Variants in GANAB observed in about 807,000 individuals in gnomAD.
The protein encoded by GANAB is neutral alpha-glucosidase AB.
In GANAB, 35 loss-of-function variants were observed where a neutral mutation model predicts 129.9. That is an observed-to-expected ratio of 0.27 (90% CI 0.21 to 0.36). The LOEUF is 0.36. Among genes scored for constraint, GANAB ranks in the 10% least tolerant of loss-of-function variants. The pLI, the probability that GANAB is intolerant of heterozygous loss-of-function variation, is 1.00. For missense variants in GANAB, 939 were observed against 1,221.0 expected, an observed-to-expected ratio of 0.77 and a Z score of 3.44; for synonymous variants, 482 against 451.8, an observed-to-expected ratio of 1.07 and a Z score of -0.85.
Position 62,625,938 on chromosome 11 carries a change from A to T in GANAB, c.2726-14T>A, listed in dbSNP as rs780455543. 1.3e-6 allele frequency: 2 copies of T among 1,572,130 alleles called. No individual in the cohort carries two copies. Among genetic ancestry groups the T allele is most frequent in the Non-Finnish European group, 1.8e-6 (2 of 1,141,660 alleles). The stretch of plus-strand genomic sequence containing the variant: ...TTTCTGGAGATCCTGGAGGAGGAAT[A>T]AAAGAGTGCCATAGTCATACCAATG... On this transcript the variant is annotated splice_polypyrimidine_tract_variant and intron_variant, in intron 23 of 23. Coordinates refer to ENST00000356638, the MANE Select transcript of GANAB (RefSeq NM_198334.3).
At chr11:62,629,470 TGA>T (rs1370496118) in intron 15 of GANAB, 116 bp downstream of exon 15, 3 of 823,976 alleles carry the variant, frequency 3.6e-6, no homozygotes, top group Non-Finnish European at 6.0e-6. Flanking sequence ...AGCGCATAGC[TGA>T]GAGGAAACAG....
In GANAB at chr11:62,628,972, C is replaced by G; in HGVS notation, c.1977G>C (p.Leu659=). Residue 659 remains leucine, a synonymous_variant, in exon 17 of 24, where the codon CTG becomes CTC. Transcript: ENST00000356638. Reference sequence around the variant, plus strand: ...CACCCATCTGGTACCAGCGCACAAGCAGCTCTGGCTCTGGGTTTTTGAAGA... The same window carrying G: ...CACCCATCTGGTACCAGCGCACAAGGAGCTCTGGCTCTGGGTTTTTGAAGA... The part of the protein sequence containing the change: ...GGFFKNPEPE[L]LVRWYQMGAY... 1 of 1,613,920 alleles carries G rather than the reference C, an allele frequency of 6.2e-7. No individual in the cohort carries two copies. Among genetic ancestry groups the G allele is most frequent in the Non-Finnish European group, 8.5e-7 (1 of 1,179,808 alleles).
At position 62,626,782 on chromosome 11, in the gene GANAB, G is replaced by T. The variant is rs1943403018; in HGVS notation, c.2397+78C>A. 3.0e-6 allele frequency: 4 copies of T among 1,325,816 alleles called. No individual in the cohort carries two copies. In the East Asian group the frequency reaches 7.1e-5, roughly 24 times the overall value. 82.1% of individuals were successfully genotyped at this position (1,325,816 alleles called of 1,614,324 possible). On this transcript the variant is annotated intron_variant, in intron 20 of 23. Transcript: ENST00000356638. ...CTCATGTATGCCCACATAGGTACTG[G>T]ACCCTAAGGCACACATTCCCTCCCC...
chr11:62,633,751 G>C (rs1020624556), intron 5 of GANAB: 41 of 579,408 alleles, frequency 7.1e-5, no homozygotes, highest in Non-Finnish European at 1.1e-4. Context: ...GCACAGGCCT[G>C]AACACCAGCC....
intron 2 of GANAB, 54 bp downstream of exon 2, chr11:62,639,573 C>T: frequency 6.8e-7 from 1 of 1,461,496 alleles, no homozygotes; most frequent in Non-Finnish European, 9.6e-7. Flanking sequence ...ACAGATATCT[C>T]CCACATTACC....
Position 62,626,403 on chromosome 11 carries a change from G to T in GANAB, c.2556C>A (p.Phe852Leu). 6.2e-7 allele frequency: 1 copy of T among 1,613,648 alleles called. No individual in the cohort carries two copies. The highest frequency in any genetic ancestry group is 8.5e-7 in the Non-Finnish European group (1 of 1,179,566). The part of the protein sequence containing the change: ...GELFLDDGHT[F>L]NYQTRQEFLL... ...GGAACTCTTGGCGAGTCTGATAGTT[G>T]AACGTGTGCCCATCATCCAGAAAGA... The change falls in exon 22 of 24, where the codon TTC (phenylalanine) becomes TTA (leucine). Residue 852 changes from phenylalanine (F) to leucine (L), a missense_variant. By Grantham distance (22) the Phe-to-Leu change is conservative. This residue lies in a region of GANAB where 230 missense variants were observed against 259.9 expected (regional missense o/e 0.89). Transcript: ENST00000356638.
At chr11:62,632,864 A>G in intron 8 of GANAB, 119 bp from the exon 9 acceptor site, 1 of 1,029,606 alleles carries the variant, frequency 9.7e-7, no homozygotes, top group Non-Finnish European at 1.5e-6. Context: ...TTTCTCAAAA[A>G]ATTTTCTATC....
chr11:62,630,010 C>CA, intron 13 of GANAB, 53 bp from the exon 14 acceptor site: 1 of 1,580,044 alleles, frequency 6.3e-7, no homozygotes. Flanking sequence ...AGGAAGAAGA[C>CA]AAACAGTGTC....
chr11:62,629,403 C>T (rs2134472160), intron 15 of GANAB, 108 bp from the exon 16 acceptor site: 1 of 885,994 alleles, frequency 1.1e-6, no homozygotes, highest in Non-Finnish European at 1.9e-6. Context: ...GCTGAAGATG[C>T]AGTTCACAAG....
At chr11:62,632,938 C>T in intron 8 of GANAB, 67 bp downstream of exon 8, 3 of 1,030,216 alleles carry the variant, frequency 2.9e-6, no homozygotes, top group Admixed American at 1.7e-5. Flanking sequence ...ATATGCACAC[C>T]CATCTCCCTA....
Position 62,630,452 on chromosome 11 carries a change from G to A in GANAB, c.1440C>T (p.His480=), listed in dbSNP as rs1368778391. 1.2e-5 allele frequency: 20 copies of A among 1,614,150 alleles called. No homozygotes were observed. The highest frequency in any genetic ancestry group is 2.2e-5 in the South Asian group (2 of 91,088). Residue 480 remains histidine (H), a synonymous_variant, in exon 12 of 24, where the codon CAC becomes CAT. Coordinates refer to ENST00000356638, the MANE Select transcript of GANAB (RefSeq NM_198334.3). The part of the protein sequence containing the change: ...HIKVDSGYRV[H]EELRNLGLYV... ...ACAGCCCCAGGTTCCGCAGCTCCTC[G>A]TGAACTCGGTAGCCGGAGTCCACCT...
Position 62,633,533 on chromosome 11 carries a change from G to A in GANAB, c.561-19C>T. ...TCCTTGCCTGGAAGGTAGGAGAGCT[G>A]TCTGCTCCAATCCAGAGGGGGCAGG... On this transcript the variant is annotated intron_variant, in intron 5 of 23. Coordinates refer to ENST00000356638, the MANE Select transcript of GANAB (RefSeq NM_198334.3). The A allele has an allele frequency of 6.2e-7, 1 of 1,611,898 alleles. No individual in the cohort carries two copies. The highest frequency in any genetic ancestry group is 8.5e-7 in the Non-Finnish European group (1 of 1,178,052).
At chr11:62,638,553 A>G (rs1338024355) in intron 4 of GANAB, among the ~76,000 whole-genome samples, 1 of 151,504 alleles carries the variant, frequency 6.6e-6, no homozygotes, top group East Asian at 1.9e-4. Context: ...GAGTAATCCT[A>G]TTCTGAATAT....
Position 62,624,944 on chromosome 11 carries a change from C to T in GANAB, c.*871G>A, listed in dbSNP as rs1306954410. On this transcript the variant is annotated 3_prime_UTR_variant, in exon 24 of 24. Transcript: ENST00000356638. ...TCCCCGACTCCCCATTAGTCCTCCC[C>T]CAACCCCCCACCCAGGGCTTCCAGC... The T allele has an allele frequency of 4.6e-6, 1 of 217,492 alleles. No individual in the cohort carries two copies. Among genetic ancestry groups the T allele is most frequent in the Non-Finnish European group, 9.3e-6 (1 of 107,434 alleles). The allele number at this position is 217,492 out of a possible 1,614,324, so 13.5% of individuals were successfully genotyped here. A position where few individuals can be genotyped will look rare whatever the true frequency, so the allele number is the denominator to read the frequency against.
intron 4 of GANAB, 76 bp from the exon 5 acceptor site, chr11:62,635,076 GA>G (rs1431295792): frequency 3.8e-6 from 4 of 1,043,558 alleles, no homozygotes; most frequent in Non-Finnish European, 5.8e-6. Flanking sequence ...AAGACCGGGG[GA>G]AATCTACCTG....
chr11:62,632,425 A>G, intron 9 of GANAB, 140 bp downstream of exon 9: 1 of 671,324 alleles, frequency 1.5e-6, no homozygotes, highest in Non-Finnish European at 2.6e-6. Flanking sequence ...GGGAGTGATT[A>G]GGGAACTCAA....
At chr11:62,626,512 G>T in intron 21 of GANAB, 59 bp downstream of exon 21, 1 of 1,501,636 alleles carries the variant, frequency 6.7e-7, no homozygotes, top group Non-Finnish European at 9.3e-7. Context: ...CAACCCCAGA[G>T]AACTGAGTCC....
chr11:62,639,964 G>A (rs1292462218), intron 1 of GANAB: 1 of 497,224 alleles, frequency 2.0e-6, no homozygotes, highest in Non-Finnish European at 3.6e-6. Context: ...GGCTGGGCGT[G>A]GTGGCTCACT....
intron 22 of GANAB, 24 bp from the exon 23 acceptor site, chr11:62,626,189 C>A: frequency 6.6e-7 from 1 of 1,516,860 alleles, no homozygotes; most frequent in Admixed American, 1.7e-5. Context: ...AAGCAGATGT[C>A]CATCAGGGGG....
Sources: allele counts gnomAD v4.1 joint callset (sites outside exome capture counted in the v4.1 genomes callset), GRCh38; gene constraint gnomAD v4.1.1; regional missense constraint gnomAD v4.1.1; transcripts MANE v1.5; gene names NCBI Gene and HGNC (gene_info 2026-07-23, HGNC 2026-07-21).